Variants in BRD10 observed in about 807,000 individuals in gnomAD.
BRD10 encodes the protein bromodomain containing 10.
chr9:5,921,067 C>T, the BRD10 span: 1 of 1,613,862 alleles, frequency 6.2e-7, no homozygotes, highest in Non-Finnish European at 8.5e-7. Context: ...CTGAAGAAAC[C>T]ACTGATTCAT....
At chr9:5,996,315 T>TG in the BRD10 span, among the ~76,000 whole-genome samples, 1 of 146,138 alleles carries the variant, frequency 6.8e-6, no homozygotes, top group African/African-American at 2.5e-5. Context: ...TGGTTTTTTT[T>TG]TTTGTTGTTG....
chr9:5,940,482 C>T, the BRD10 span, among the ~76,000 whole-genome samples: 11 of 152,266 alleles, frequency 7.2e-5, no homozygotes, highest in African/African-American at 2.6e-4. Context: ...CGTGAGCCAC[C>T]GCGCCTGGCC....
At chr9:5,911,405 GTTT>G in the BRD10 span, among the ~76,000 whole-genome samples, 4 of 103,570 alleles carry the variant, frequency 3.9e-5, no homozygotes, top group Non-Finnish European at 4.1e-5. Context: ...GTCTATGTGT[GTTT>G]TTTTTTTTTT....
the BRD10 span, among the ~76,000 whole-genome samples, chr9:5,981,656 A>G: frequency 6.6e-6 from 1 of 152,076 alleles, no homozygotes; most frequent in African/African-American, 2.4e-5. Flanking sequence ...ATTTTAATCT[A>G]TCCATCTCTG....
chr9:5,920,799 G>A, the BRD10 span: 1 of 1,613,972 alleles, frequency 6.2e-7, no homozygotes, highest in Non-Finnish European at 8.5e-7. Flanking sequence ...AAACATTTAG[G>A]AGACACTACT....
the BRD10 span, among the ~76,000 whole-genome samples, chr9:5,908,143 C>G: frequency 2.4e-4 from 37 of 152,260 alleles, no homozygotes; most frequent in Admixed American, 5.9e-4. Flanking sequence ...CCTCTCTGTG[C>G]CCCAGTTTCC....
chr9:5,909,042 T>G, the BRD10 span: 2 of 300,984 alleles, frequency 6.6e-6, no homozygotes, highest in Admixed American at 4.8e-5. Flanking sequence ...TCTCTTTACT[T>G]GAAATTTGGC....
the BRD10 span, among the ~76,000 whole-genome samples, chr9:6,001,213 T>C: frequency 3.9e-5 from 6 of 152,242 alleles, no homozygotes; most frequent in Non-Finnish European, 8.8e-5. Context: ...TTATTATCTC[T>C]TGATGGAATT....
At chr9:5,922,499 T>C in the BRD10 span, 1 of 1,613,988 alleles carries the variant, frequency 6.2e-7, no homozygotes, top group Admixed American at 1.7e-5. Flanking sequence ...GAAAGCTGTA[T>C]TTGGTAGTTG....
the BRD10 span, among the ~76,000 whole-genome samples, chr9:5,902,021 T>TA: frequency 0.65 from 99,090 of 152,036 alleles, 33,878 homozygotes; most frequent in Non-Finnish European, 0.76. Context: ...GCTGGCCTCA[T>TA]AGCAATGAGT....
chr9:5,913,983 A>C, the BRD10 span: 1 of 452,102 alleles, frequency 2.2e-6, no homozygotes, highest in African/African-American at 2.0e-5. Context: ...ACTTTCTGCT[A>C]TCAAAACTTG....
chr9:5,908,638 A>G, the BRD10 span: 1 of 1,613,756 alleles, frequency 6.2e-7, no homozygotes, highest in Non-Finnish European at 8.5e-7. Flanking sequence ...TTGTTCTCAC[A>G]GGTTCCCAAT....
chr9:5,983,837 CT>C, the BRD10 span, among the ~76,000 whole-genome samples: 5 of 151,854 alleles, frequency 3.3e-5, no homozygotes, highest in Non-Finnish European at 5.9e-5. Context: ...TAGACCACCC[CT>C]ATAGGAACAA....
the BRD10 span, among the ~76,000 whole-genome samples, chr9:5,963,657 A>AC: frequency 5.3e-5 from 8 of 152,236 alleles, no homozygotes; most frequent in African/African-American, 1.9e-4. Context: ...TTCAAACTGT[A>AC]TACAAGGCTA....
At chr9:5,938,420 T>C in the BRD10 span, among the ~76,000 whole-genome samples, 1 of 152,266 alleles carries the variant, frequency 6.6e-6, no homozygotes, top group Admixed American at 6.5e-5. Context: ...CACTCCAGCC[T>C]GGGTGACAGA....
chr9:5,991,398 A>G, the BRD10 span, among the ~76,000 whole-genome samples: 1 of 151,954 alleles, frequency 6.6e-6, no homozygotes, highest in African/African-American at 2.4e-5. Flanking sequence ...CCTAGAGTCT[A>G]CTCATATAGT....
At chr9:5,944,204 A>T in the BRD10 span, among the ~76,000 whole-genome samples, 1 of 152,172 alleles carries the variant, frequency 6.6e-6, no homozygotes, top group East Asian at 1.9e-4. Flanking sequence ...AAATCTGTGC[A>T]TAGCCCAACT....
At chr9:5,902,585 T>C in the BRD10 span, among the ~76,000 whole-genome samples, 1 of 151,986 alleles carries the variant, frequency 6.6e-6, no homozygotes, top group Non-Finnish European at 1.5e-5. Flanking sequence ...TCCTCCTGGC[T>C]CAGCCTCCTG....
chr9:5,920,697 C>A, the BRD10 span: 1 of 1,613,902 alleles, frequency 6.2e-7, no homozygotes, highest in Non-Finnish European at 8.5e-7. Context: ...CCTGGTACTG[C>A]TGCCGAATGT....
Sources: allele counts gnomAD v4.1 joint callset (sites outside exome capture counted in the v4.1 genomes callset), GRCh38; gene constraint gnomAD v4.1.1; transcripts MANE v1.5; gene names NCBI Gene and HGNC (gene_info 2026-07-23, HGNC 2026-07-21).